The following INPP5D variants were observed in gnomAD, a reference collection of about 807,000 sequenced individuals.
The protein encoded by INPP5D is phosphatidylinositol 3,4,5-trisphosphate 5-phosphatase 1.
A neutral mutation model predicts 122.9 loss-of-function variants in INPP5D; 33 were observed. The observed-to-expected ratio is 0.27, with a 90% confidence interval of 0.20 to 0.36. The LOEUF is 0.36. INPP5D is among the 10% of genes least tolerant of loss of function. The probability of loss-of-function intolerance (pLI) is 1.00; values close to 1 mark genes in which losing one functional copy is unlikely to be tolerated. For missense variants in INPP5D, 1,053 were observed against 1,412.7 expected (o/e 0.75, Z 4.08); for synonymous variants, 584 against 576.2 (o/e 1.01, Z -0.19).
intron 14 of INPP5D, 196 bp downstream of exon 14, chr2:233,169,597 G>T: frequency 1.2e-6 from 1 of 800,708 alleles, no homozygotes; most frequent in Non-Finnish European, 1.9e-6. Context: ...GAGGAATTTT[G>T]TCTGAAGGTC....
chr2:233,140,843 A>G, intron 6 of INPP5D: 1 of 152,372 alleles, frequency 6.6e-6, no homozygotes, highest in South Asian at 2.1e-4. Flanking sequence ...CATTTTTAAA[A>G]AAATTCCTAC....
chr2:233,098,409 G>A (rs780194533), intron 2 of INPP5D, among the ~76,000 whole-genome samples: 1 of 152,210 alleles, frequency 6.6e-6, no homozygotes, highest in Non-Finnish European at 1.5e-5. Context: ...CCTCTTTGGT[G>A]AGACGTGGTG....
intron 9 of INPP5D, among the ~76,000 whole-genome samples, chr2:233,148,246 T>A (rs1330403818): frequency 6.6e-6 from 1 of 151,796 alleles, no homozygotes; most frequent in African/African-American, 2.4e-5. Context: ...GTGCATTGAG[T>A]AGCCGATAGA....
intron 2 of INPP5D, among the ~76,000 whole-genome samples, chr2:233,110,849 C>T (rs997661719): frequency 1.3e-5 from 2 of 151,618 alleles, no homozygotes; most frequent in African/African-American, 2.4e-5. Flanking sequence ...TGCTTGAACT[C>T]GGGAGGCGGA....
rs577212061 is a variant in INPP5D, at chr2:233,170,947, C to G, written c.1901-117C>G. On this transcript the variant is annotated intron_variant, in intron 16 of 26. Coordinates refer to ENST00000445964, the MANE Select transcript of INPP5D (RefSeq NM_001017915.3). The surrounding 1 kb of genome is among the most constrained non-coding windows in gnomAD (Gnocchi z 4.5). ...AAAGCAGCAGCCTCTCCTCTTGGAG[C>G]CTTTCCAGCCATCCTTTCGTCCCCT... 2 of 1,360,808 alleles carry G rather than the reference C, an allele frequency of 1.5e-6. No individual in the cohort carries two copies. Among genetic ancestry groups the G allele is most frequent in the Non-Finnish European group, 2.0e-6 (2 of 1,003,776 alleles). The allele number at this position is 1,360,808 out of a possible 1,614,324, so 84.3% of individuals were successfully genotyped here.
At chr2:233,066,967 G>A (rs1283549729) in intron 1 of INPP5D, among the ~76,000 whole-genome samples, 2 of 152,086 alleles carry the variant, frequency 1.3e-5, no homozygotes, top group East Asian at 1.9e-4. Flanking sequence ...TAGTAGAGAC[G>A]AGGTTTCACC....
chr2:233,175,465 T>A (rs1440123158), intron 17 of INPP5D, among the ~76,000 whole-genome samples: 1 of 152,106 alleles, frequency 6.6e-6, no homozygotes, highest in African/African-American at 2.4e-5. Context: ...TGCTCACCTT[T>A]AGGAGGCTCT....
chr2:233,096,267 A>G (rs911572489), intron 2 of INPP5D, among the ~76,000 whole-genome samples: 4 of 152,192 alleles, frequency 2.6e-5, no homozygotes, highest in African/African-American at 9.7e-5. Context: ...ACACATCTCA[A>G]TTCTGGACAT....
chr2:233,118,938 C>T (rs566136875), intron 2 of INPP5D, among the ~76,000 whole-genome samples: 6 of 152,226 alleles, frequency 3.9e-5, no homozygotes, highest in Non-Finnish European at 7.3e-5. Flanking sequence ...CCTCTGGGAG[C>T]GGGCCAGGCA....
At chr2:233,187,351 G>A (rs753097072) in intron 21 of INPP5D, among the ~76,000 whole-genome samples, 2 of 152,194 alleles carry the variant, frequency 1.3e-5, no homozygotes, top group Non-Finnish European at 2.9e-5. Context: ...TGGAATGAAG[G>A]GGAGTCCCAG....
At chr2:233,062,343 C>A (rs994421759) in intron 1 of INPP5D, among the ~76,000 whole-genome samples, 3 of 152,216 alleles carry the variant, frequency 2.0e-5, no homozygotes, top group Admixed American at 1.3e-4. Flanking sequence ...AGCATCTTAA[C>A]GTCTAGGATT....
intron 5 of INPP5D, 46 bp downstream of exon 5, chr2:233,130,694 G>A: frequency 1.9e-6 from 3 of 1,609,068 alleles, no homozygotes; most frequent in Non-Finnish European, 2.6e-6. Flanking sequence ...CGGCCACCAG[G>A]TGAGAGAAAC....
chr2:233,163,618 C>T, intron 11 of INPP5D, 89 bp from the exon 12 acceptor site: 1 of 1,593,244 alleles, frequency 6.3e-7, no homozygotes, highest in Non-Finnish European at 8.5e-7. Flanking sequence ...CGTGACCTCC[C>T]TCACACTCCC....
At chr2:233,155,663 A>G in intron 9 of INPP5D, among the ~76,000 whole-genome samples, 1 of 136,882 alleles carries the variant, frequency 7.3e-6, no homozygotes, top group East Asian at 2.4e-4. Context: ...AATAAATAAT[A>G]AATAAATAAG....
chr2:233,061,851 C>T (rs943193293), intron 1 of INPP5D, among the ~76,000 whole-genome samples: 6 of 152,242 alleles, frequency 3.9e-5, no homozygotes, highest in African/African-American at 1.4e-4. Flanking sequence ...GCGGGGCAGG[C>T]ATGTAGCCTT....
chr2:233,157,162 A>G (rs888814627), intron 9 of INPP5D, among the ~76,000 whole-genome samples: 1 of 152,230 alleles, frequency 6.6e-6, no homozygotes, highest in Non-Finnish European at 1.5e-5. Flanking sequence ...TTGGAAAGCC[A>G]CTAGAGATGC....
chr2:233,182,358 GA>G, intron 18 of INPP5D, 51 bp from the exon 19 acceptor site: 2 of 1,608,638 alleles, frequency 1.2e-6, no homozygotes, highest in Non-Finnish European at 1.7e-6. Flanking sequence ...TCCTTGGCCT[GA>G]CCGGAAGGGC....
rs372868748 is a variant in INPP5D at position 233,163,922 on chromosome 2, G to A, written c.1437+19G>A. ...TAAAACAGTGAGCAGCTGGCTGCAC[G>A]CTGGGTGGGCTTCCGGGATAGAATC... On this transcript the variant is annotated intron_variant, in intron 12 of 26. Transcript: ENST00000445964. 15 of 1,610,980 alleles carry A rather than the reference G, an allele frequency of 9.3e-6. No individual in the cohort carries two copies. Among genetic ancestry groups the A allele is most frequent in the East Asian group, 2.2e-5 (1 of 44,820 alleles).
chr2:233,164,565 A>G lies in INPP5D; in HGVS notation c.1555+141A>G. The G allele has an allele frequency of 7.8e-7, 1 of 1,281,268 alleles. No homozygotes were observed. Among genetic ancestry groups the G allele is most frequent in the South Asian group, 1.8e-5 (1 of 54,678 alleles). The allele number at this position is 1,281,268 out of a possible 1,614,324, so 79.4% of individuals were successfully genotyped here. A position where few individuals can be genotyped will look rare whatever the true frequency, so the allele number is the denominator to read the frequency against. ...TCAGATCCTGGCTCAGTCCTCAGCAAATAGGGGTGATTGGTCTCCCTGGCT... is the reference window on the plus strand; with the variant it reads ...TCAGATCCTGGCTCAGTCCTCAGCAGATAGGGGTGATTGGTCTCCCTGGCT... On this transcript the variant is annotated intron_variant, in intron 13 of 26. Coordinates refer to ENST00000445964, the MANE Select transcript of INPP5D (RefSeq NM_001017915.3). This position sits in a 1 kb window ranked among gnomAD's most constrained non-coding sequence, Gnocchi z 4.3.
Sources: allele counts gnomAD v4.1 joint callset (sites outside exome capture counted in the v4.1 genomes callset), GRCh38; gene constraint gnomAD v4.1.1; non-coding constraint Gnocchi (gnomAD v3.1); transcripts MANE v1.5; gene names NCBI Gene and HGNC (gene_info 2026-07-23, HGNC 2026-07-21).